The following CCDC62 variants were observed in gnomAD, a reference collection of about 807,000 sequenced individuals.
CCDC62 encodes coiled-coil domain-containing protein 62.
A neutral mutation model predicts 80.8 loss-of-function variants in CCDC62; 72 were observed. That is an observed-to-expected ratio of 0.89 (90% CI 0.74 to 1.08). The LOEUF (loss-of-function observed/expected upper bound fraction) is 1.08. Ranked by LOEUF, CCDC62 falls within the 50% of genes least tolerant of loss-of-function variation. CCDC62 has a pLI of 0.00. For synonymous variants in CCDC62, 286 were observed against 296.5 expected, an observed-to-expected ratio of 0.96 and a Z score of 0.36; for missense variants, 704 against 809.4, an observed-to-expected ratio of 0.87 and a Z score of 1.58.
At chr12:122,812,777 G>GAGAGAAAGAAAGAAAGAAAGAA (rs750420995) in intron 10 of CCDC62, among the ~76,000 whole-genome samples, 1 of 57,758 alleles carries the variant, frequency 1.7e-5, no homozygotes, top group Non-Finnish European at 3.1e-5. Flanking sequence ...GAGAGAGAGA[G>GAGAGAAAGAAAGAAAGAAAGAA]AGAAAGAAAG....
At chr12:122,779,544 C>T (rs756058563) in intron 2 of CCDC62, among the ~76,000 whole-genome samples, 4 of 152,160 alleles carry the variant, frequency 2.6e-5, no homozygotes, top group African/African-American at 4.8e-5. Context: ...ATGCCACTGC[C>T]GCTGCTGGTC....
At position 122,778,269 on chromosome 12, in the gene CCDC62, G is replaced by A. The variant is rs147445573; in HGVS notation, c.229+586G>A. The stretch of plus-strand genomic sequence containing the variant: ...CTCGGGAGGCAGAGGCACGAGAATC[G>A]CTTGAACCCAGGAGGCGGAGGTTGC... On this transcript the variant is annotated intron_variant, in intron 2 of 12. Transcript: ENST00000253079. Among the ~76,000 whole-genome samples, 1,249 of 151,322 alleles carry A rather than the reference G, an allele frequency of 8.3e-3. 23 individuals carry two copies. Among genetic ancestry groups the A allele is most frequent in the African/African-American group, 0.028 (1,135 of 41,214 alleles).
chr12:122,823,000 G>A (rs998628501), intron 11 of CCDC62, among the ~76,000 whole-genome samples: 4 of 151,634 alleles, frequency 2.6e-5, no homozygotes, highest in Admixed American at 6.6e-5. Context: ...TCACTCTGTC[G>A]CCCAGGCTGG....
rs369267563 is a variant in CCDC62 at position 122,804,947 on chromosome 12, C to T, written c.1707-1204C>T. Among the ~76,000 whole-genome samples, 267 of 150,258 alleles carry T rather than the reference C, an allele frequency of 1.8e-3. 1 individual carries two copies. Among genetic ancestry groups the T allele is most frequent in the African/African-American group, 6.2e-3 (252 of 40,822 alleles). The stretch of plus-strand genomic sequence containing the variant: ...TCGCCCAGCCTGGAGTGCAATGGCA[C>T]GATCTCGGCTCACTGCAACCTCTGC... On this transcript the variant is annotated intron_variant, in intron 9 of 12. Coordinates refer to ENST00000253079, the MANE Select transcript of CCDC62 (RefSeq NM_201435.5).
At chr12:122,791,193 T>C (rs550746566) in intron 5 of CCDC62, among the ~76,000 whole-genome samples, 1 of 152,120 alleles carries the variant, frequency 6.6e-6, no homozygotes, top group African/African-American at 2.4e-5. Context: ...CAGGCTGGAG[T>C]GCAATGGCGC....
intron 4 of CCDC62, among the ~76,000 whole-genome samples, chr12:122,786,341 G>T (rs1459143310): frequency 3.3e-5 from 5 of 151,900 alleles, no homozygotes. Flanking sequence ...GTAGAGACGG[G>T]GTTTCACCGT....
Position 122,781,272 on chromosome 12 carries a change from A to T in CCDC62, c.338A>T (p.Gln113Leu). ...ACAGCTCTCCAAAAGACCCAACTAC[A>T]GCTTCAGGAAATGGCTCAAAAGGCA... The part of the protein sequence containing the change: ...CQTALQKTQL[Q>L]LQEMAQKATH... The change falls in exon 3 of 13, where the codon CAG becomes CTG. Residue 113 changes from glutamine to leucine, a missense_variant. Physicochemically the swap from Gln to Leu is moderately radical, Grantham distance 113. Transcript: ENST00000253079. 1 of 1,614,166 alleles carries T rather than the reference A, an allele frequency of 6.2e-7. No individual in the cohort carries two copies. The highest frequency in any genetic ancestry group is 8.5e-7 in the Non-Finnish European group (1 of 1,180,004).
In CCDC62 at chr12:122,781,201, C is replaced by T. The variant is rs1156300639; in HGVS notation, c.267C>T (p.Leu89=). 6.2e-7 allele frequency: 1 copy of T among 1,613,966 alleles called. No individual in the cohort carries two copies. The highest frequency in any genetic ancestry group is 2.2e-5 in the East Asian group (1 of 44,880). ...LHKRTEIIRS[L]TKKVKALESN... The stretch of plus-strand genomic sequence containing the variant: ...AAAGAACTGAAATAATCAGGTCACT[C>T]ACGAAGAAGGTAAAAGCTCTTGAAT... Residue 89 remains leucine, a synonymous_variant, in exon 3 of 13, where the codon CTC becomes CTT. Transcript: ENST00000253079.
intron 11 of CCDC62, among the ~76,000 whole-genome samples, chr12:122,816,512 G>A (rs1013505080): frequency 3.9e-5 from 6 of 152,162 alleles, no homozygotes; most frequent in African/African-American, 1.4e-4. Flanking sequence ...GATCACTTGA[G>A]CCAAGGAGTT....
chr12:122,796,686 A>G (rs2030976251), intron 6 of CCDC62, among the ~76,000 whole-genome samples: 1 of 152,104 alleles, frequency 6.6e-6, no homozygotes, highest in South Asian at 2.1e-4. Context: ...GGTGAAACAC[A>G]GGAGTTCAAG....
intron 6 of CCDC62, among the ~76,000 whole-genome samples, chr12:122,796,402 C>T (rs1461843134): frequency 1.3e-5 from 2 of 152,026 alleles, no homozygotes; most frequent in Non-Finnish European, 2.9e-5. Context: ...CCTCAGCCTC[C>T]AAAGTAGCTG....
intron 8 of CCDC62, 32 bp from the exon 9 acceptor site, chr12:122,801,092 T>C (rs1297326181): frequency 5.1e-6 from 8 of 1,577,424 alleles, no homozygotes; most frequent in African/African-American, 4.1e-5. Flanking sequence ...GTATATCTTA[T>C]AACCTCCATT....
At chr12:122,784,624 A>G (rs2030097170) in intron 3 of CCDC62, among the ~76,000 whole-genome samples, 1 of 152,100 alleles carries the variant, frequency 6.6e-6, no homozygotes, top group African/African-American at 2.4e-5. Flanking sequence ...TAAGGCCAGG[A>G]GTTCAAGACC....
chr12:122,814,279 C>CAAAA (rs1242349597), intron 11 of CCDC62, among the ~76,000 whole-genome samples: 9 of 119,544 alleles, frequency 7.5e-5, no homozygotes, highest in African/African-American at 2.4e-4. Flanking sequence ...AGCTCCACCT[C>CAAAA]AAAAAAAAAA....
At chr12:122,818,614 ACTGT>A (rs769996396) in intron 11 of CCDC62, among the ~76,000 whole-genome samples, 15 of 151,892 alleles carry the variant, frequency 9.9e-5, no homozygotes, top group Non-Finnish European at 1.9e-4. Flanking sequence ...AGAGTGGGAC[ACTGT>A]CTAAGAAAAA....
chr12:122,814,666 C>G (rs2032089976), intron 11 of CCDC62, among the ~76,000 whole-genome samples: 1 of 151,930 alleles, frequency 6.6e-6, no homozygotes, highest in Admixed American at 6.6e-5. Flanking sequence ...TGCCACCATG[C>G]CTCACTAATT....
At chr12:122,799,426 C>T (rs567935324) in intron 8 of CCDC62, among the ~76,000 whole-genome samples, 7 of 152,284 alleles carry the variant, frequency 4.6e-5, no homozygotes, top group African/African-American at 1.7e-4. Context: ...CCAAGGAATG[C>T]ATTGATTACT....
intron 5 of CCDC62, 70 bp downstream of exon 5, chr12:122,788,999 C>T: frequency 8.0e-7 from 1 of 1,245,230 alleles, no homozygotes; most frequent in South Asian, 1.6e-5. Flanking sequence ...TCTGGGTTCA[C>T]TTAATCTTAT....
Position 122,823,371 on chromosome 12 carries a change from A to G in CCDC62, c.2007A>G (p.Ser669=), listed in dbSNP as rs1230438405. The change falls in exon 12 of 13, where the codon TCA becomes TCG. Residue 669 remains serine (S), a synonymous_variant. Transcript: ENST00000253079. ...ATCTGGGAGTTGTTTTCTAGAAGTC[A>G]GAGGTCCCAGAAGAGTCAGCTCAAA... The part of the protein sequence containing the change: ...ENLTGSATNK[S]EVPEESAQKN... The G allele has an allele frequency of 1.9e-6, 3 of 1,612,864 alleles. No individual in the cohort carries two copies. Among genetic ancestry groups the G allele is most frequent in the Non-Finnish European group, 2.5e-6 (3 of 1,178,846 alleles).
Sources: allele counts gnomAD v4.1 joint callset (sites outside exome capture counted in the v4.1 genomes callset), GRCh38; gene constraint gnomAD v4.1.1; transcripts MANE v1.5; gene names NCBI Gene and HGNC (gene_info 2026-07-23, HGNC 2026-07-21).